Variants in XIRP2 observed in about 807,000 individuals in gnomAD.
The protein encoded by XIRP2 is xin actin binding repeat containing 2.
A neutral mutation model predicts 277.0 loss-of-function variants in XIRP2; 236 were observed. The ratio of observed to expected loss-of-function variants is 0.85; its 90% CI spans 0.77 to 0.95. The LOEUF (loss-of-function observed/expected upper bound fraction) is 0.95. Ranked by LOEUF, XIRP2 falls within the 40% of genes least tolerant of loss-of-function variation. The pLI is 0.00. For missense variants in XIRP2, 4,640 were observed against 4,157.5 expected (o/e 1.12, Z -3.19); for synonymous variants, 1,490 against 1,416.5 (o/e 1.05, Z -1.17).
chr2:167,005,665 C>A (rs149156430), intron 2 of XIRP2, among the ~76,000 whole-genome samples: 3 of 151,758 alleles, frequency 2.0e-5, no homozygotes, highest in Non-Finnish European at 4.4e-5. Context: ...TAACTGTTAT[C>A]AATTTACCCA....
intron 2 of XIRP2, among the ~76,000 whole-genome samples, chr2:166,919,566 T>C (rs1684982714): frequency 6.6e-6 from 1 of 152,210 alleles, no homozygotes; most frequent in South Asian, 2.1e-4. Flanking sequence ...TTATTAATGA[T>C]ACAACAATAT....
Position 167,033,451 on chromosome 2 carries a change from AG to A in XIRP2, c.409-102457del, listed in dbSNP as rs1446426349. Among the ~76,000 whole-genome samples the A allele has an allele frequency of 5.9e-5, 9 of 152,278 alleles. No homozygotes were observed. The East Asian group carries it at 1.7e-3, about 29-fold the overall frequency. ...CTTAAAGTATAATAATTTTTTTAAA[AG>A]TTTATTCAATGCAATAAAAACAGAA... On this transcript the variant is annotated intron_variant, in intron 2 of 10. Transcript: ENST00000409195.
intron 5 of XIRP2, among the ~76,000 whole-genome samples, chr2:167,230,941 C>T (rs969192421): frequency 7.9e-5 from 12 of 152,032 alleles, no homozygotes; most frequent in Non-Finnish European, 1.8e-4. Flanking sequence ...TTGGCCATAA[C>T]GCAACAGTCC....
chr2:167,128,301 G>A (rs375253991), intron 2 of XIRP2, among the ~76,000 whole-genome samples: 68 of 152,130 alleles, frequency 4.5e-4, no homozygotes, highest in Admixed American at 7.9e-4. Context: ...AGATGTTACC[G>A]TGTTATTCCA....
intron 5 of XIRP2, among the ~76,000 whole-genome samples, chr2:167,231,945 T>C (rs1274543538): frequency 6.6e-6 from 1 of 151,990 alleles, no homozygotes; most frequent in Admixed American, 6.6e-5. Context: ...TCTGCAACTA[T>C]ATTCTGTACT....
At chr2:167,199,862 A>G (rs1693630195) in intron 3 of XIRP2, among the ~76,000 whole-genome samples, 3 of 152,224 alleles carry the variant, frequency 2.0e-5, no homozygotes. Context: ...TGAGAATCAC[A>G]AGGAAGTTTG....
intron 1 of XIRP2, among the ~76,000 whole-genome samples, chr2:166,894,782 G>C (rs140170366): frequency 1.3e-5 from 2 of 152,272 alleles, no homozygotes; most frequent in African/African-American, 2.4e-5. Context: ...GAATTTTCAA[G>C]TTAGGGAACA....
intron 2 of XIRP2, among the ~76,000 whole-genome samples, chr2:167,120,993 T>A (rs886612694): frequency 5.3e-5 from 8 of 152,284 alleles, no homozygotes; most frequent in Non-Finnish European, 1.0e-4. Flanking sequence ...AATGTGGTAT[T>A]TCATATTCAT....
At chr2:167,086,990 C>T (rs1429532801) in intron 2 of XIRP2, among the ~76,000 whole-genome samples, 1 of 152,010 alleles carries the variant, frequency 6.6e-6, no homozygotes, top group Non-Finnish European at 1.5e-5. Context: ...TGGTGAGGAA[C>T]TGCGTTCCTT....
chr2:166,965,435 A>G (rs1157824364), intron 2 of XIRP2, among the ~76,000 whole-genome samples: 1 of 151,922 alleles, frequency 6.6e-6, no homozygotes, highest in Admixed American at 6.6e-5. Flanking sequence ...TCAGTCCCAC[A>G]TGTACTAAAT....
intron 3 of XIRP2, among the ~76,000 whole-genome samples, chr2:167,210,502 G>A: frequency 6.6e-6 from 1 of 152,140 alleles, no homozygotes; most frequent in Admixed American, 6.5e-5. Flanking sequence ...ATAATTGCAA[G>A]AGTTGGGGGG....
intron 2 of XIRP2, among the ~76,000 whole-genome samples, chr2:167,009,553 A>G (rs1027515706): frequency 6.6e-6 from 1 of 151,760 alleles, no homozygotes; most frequent in Non-Finnish European, 1.5e-5. Context: ...ATAGCAGCAT[A>G]ATTTACAGTC....
At chr2:166,906,833 A>G (rs1684538350) in intron 2 of XIRP2, among the ~76,000 whole-genome samples, 1 of 152,116 alleles carries the variant, frequency 6.6e-6, no homozygotes, top group Non-Finnish European at 1.5e-5. Context: ...AGTCTGAGTC[A>G]GGAGGATCCC....
rs773319442 is a variant in XIRP2, at chr2:167,135,987, G to T, written c.487G>T (p.Asp163Tyr). 5.6e-6 allele frequency: 9 copies of T among 1,612,308 alleles called. No individual in the cohort carries two copies. The Admixed American group carries it at 1.5e-4, about 27-fold the overall frequency. Residue 163 changes from aspartate to tyrosine, a missense_variant, in exon 3 of 11, where the codon GAT becomes TAT. By Grantham distance (160) the Asp-to-Tyr change is radical. Coordinates refer to ENST00000409195, the MANE Select transcript of XIRP2 (RefSeq NM_152381.6). ...PGSQLEDSVK[D>Y]SDKKGKETSF... ...GAGCCAGCTGGAGGATTCTGTGAAAGATTCAGACAAGAAAGGCAAGGAAAC... is the reference window on the plus strand; with the variant it reads ...GAGCCAGCTGGAGGATTCTGTGAAATATTCAGACAAGAAAGGCAAGGAAAC...
chr2:167,207,971 G>T (rs1693908640), intron 3 of XIRP2, among the ~76,000 whole-genome samples: 1 of 152,030 alleles, frequency 6.6e-6, no homozygotes, highest in Non-Finnish European at 1.5e-5. Context: ...ATTTTGAATA[G>T]ATTATAAATT....
intron 5 of XIRP2, among the ~76,000 whole-genome samples, chr2:167,221,000 A>T (rs1694409159): frequency 6.6e-6 from 1 of 152,206 alleles, no homozygotes; most frequent in African/African-American, 2.4e-5. Flanking sequence ...CTTCAGTTTC[A>T]TTATCTACTT....
intron 2 of XIRP2, among the ~76,000 whole-genome samples, chr2:167,069,786 T>C (rs1378713300): frequency 6.6e-6 from 1 of 152,130 alleles, no homozygotes; most frequent in Non-Finnish European, 1.5e-5. Flanking sequence ...TTTATTTCAT[T>C]TTTGTCATCT....
chr2:167,161,271 C>T (rs999822359), intron 3 of XIRP2, among the ~76,000 whole-genome samples: 2 of 152,232 alleles, frequency 1.3e-5, no homozygotes, highest in Non-Finnish European at 2.9e-5. Context: ...AGATAGTGGC[C>T]TTCTTCTCAC....
Position 167,249,915 on chromosome 2 carries a change from C to A in XIRP2, c.8523C>A (p.His2841Gln). Residue 2841 changes from histidine to glutamine, a missense_variant, in exon 9 of 11, where the codon CAC becomes CAA. Transcript: ENST00000409195. ...KEERLITERK[H>Q]EHLKNKSAPK... is the part of the protein sequence containing the mutation. The stretch of plus-strand genomic sequence containing the variant: ...AGAGATTAATAACTGAAAGAAAACA[C>A]GAACATCTGAAGAATAAATCAGCAC... 6.2e-7 allele frequency: 1 copy of A among 1,613,340 alleles called. No homozygotes were observed. Among genetic ancestry groups the A allele is most frequent in the Admixed American group, 1.7e-5 (1 of 59,924 alleles).
Sources: gnomAD v4.1 joint callset for allele counts (sites outside exome capture counted in the v4.1 genomes callset) on GRCh38, gnomAD v4.1.1 for gene constraint, MANE v1.5 for transcripts, NCBI Gene and HGNC (gene_info 2026-07-23, HGNC 2026-07-21) for gene names.